EML4: variants seen among roughly 807,000 people sequenced by gnomAD.
EML4 encodes the protein echinoderm microtubule-associated protein-like 4.
A neutral mutation model predicts 129.0 loss-of-function variants in EML4; 72 were observed. The ratio of observed to expected loss-of-function variants is 0.56; its 90% confidence interval spans 0.46 to 0.68. EML4 has a LOEUF of 0.68. Ranked by LOEUF, EML4 falls within the 30% of genes least tolerant of loss-of-function variation. The probability of loss-of-function intolerance (pLI) is 0.00; values close to 1 mark genes in which losing one functional copy is unlikely to be tolerated. For synonymous variants in EML4, 532 were observed against 405.0 expected (o/e 1.31, Z -3.77); for missense variants, 1,363 against 1,190.6 (o/e 1.14, Z -2.13).
chr2:42,329,618 T>G (rs986485107), intron 22 of EML4, 116 bp from the exon 23 acceptor site: 1 of 757,560 alleles, frequency 1.3e-6, no homozygotes, highest in Non-Finnish European at 2.2e-6. Context: ...TGGCTTTAAA[T>G]TGGATTGCCC....
chr2:42,330,565 A>C lies in EML4; in HGVS notation c.*358A>C, dbSNP rs1402550902. On this transcript the variant is annotated 3_prime_UTR_variant, in exon 23 of 23. Coordinates refer to ENST00000318522, the MANE Select transcript of EML4 (RefSeq NM_019063.5). ...TTATCTGAACATGTTTTCTTCAGGA[A>C]CAACCAGAGGTATCACAAACACTGT... The C allele has an allele frequency of 2.3e-6, 1 of 432,782 alleles. No individual in the cohort carries two copies. 26.8% of individuals were successfully genotyped at this position (432,782 alleles called of 1,614,324 possible). A position where few individuals can be genotyped will look rare whatever the true frequency, so the allele number is the denominator to read the frequency against.
intron 1 of EML4, among the ~76,000 whole-genome samples, chr2:42,214,142 C>G (rs1673039060): frequency 6.6e-6 from 1 of 152,150 alleles, no homozygotes; most frequent in African/African-American, 2.4e-5. Context: ...TCTCTGTTAA[C>G]TCTTTCTTAA....
intron 1 of EML4, among the ~76,000 whole-genome samples, chr2:42,176,240 C>G (rs1174433968): frequency 2.6e-5 from 4 of 152,154 alleles, no homozygotes; most frequent in African/African-American, 9.7e-5. Context: ...CTTGTCAATT[C>G]TTGTCACCTT....
Position 42,185,161 on chromosome 2 carries a change from C to T in EML4, c.25+15525C>T, listed in dbSNP as rs187666428. Among the ~76,000 whole-genome samples the T allele has an allele frequency of 4.6e-5, 7 of 151,806 alleles. No individual in the cohort carries two copies. The East Asian group carries it at 9.7e-4, about 21-fold the overall frequency. On this transcript the variant is annotated intron_variant, in intron 1 of 22. Coordinates refer to ENST00000318522, the MANE Select transcript of EML4 (RefSeq NM_019063.5). ...TTGAAGAGAGAGAAAGTAATTTGCTCGGGATTAGAGGTTGACAGACTACCA... is the reference window on the plus strand; with the variant it reads ...TTGAAGAGAGAGAAAGTAATTTGCTTGGGATTAGAGGTTGACAGACTACCA...
At chr2:42,170,962 C>T (rs1283793510) in intron 1 of EML4, among the ~76,000 whole-genome samples, 5 of 152,142 alleles carry the variant, frequency 3.3e-5, no homozygotes, top group African/African-American at 9.7e-5. Flanking sequence ...ATAATTTTGG[C>T]CTTCCCTTTT....
intron 17 of EML4, among the ~76,000 whole-genome samples, chr2:42,310,180 C>T (rs1668853917): frequency 6.6e-6 from 1 of 152,178 alleles, no homozygotes; most frequent in Non-Finnish European, 1.5e-5. Flanking sequence ...AATTCTGTTC[C>T]ATAAATATGT....
chr2:42,279,278 G>A (rs1666867104), intron 6 of EML4, among the ~76,000 whole-genome samples: 1 of 152,104 alleles, frequency 6.6e-6, no homozygotes. Flanking sequence ...ATCTCCTCAA[G>A]ATCCTAATTT....
intron 6 of EML4, among the ~76,000 whole-genome samples, chr2:42,271,966 A>G (rs960271428): frequency 9.9e-5 from 15 of 151,108 alleles, no homozygotes; most frequent in African/African-American, 3.6e-4. Context: ...GCCAGGCATG[A>G]TGGCACCTGT....
Position 42,169,597 on chromosome 2 carries a change from C to T in EML4, c.-15C>T, listed in dbSNP as rs750735791. 1 of 1,598,530 alleles carries T rather than the reference C, an allele frequency of 6.3e-7. No individual in the cohort carries two copies. Among genetic ancestry groups the T allele is most frequent in the Non-Finnish European group, 8.5e-7 (1 of 1,174,010 alleles). On this transcript the variant is annotated 5_prime_UTR_variant, in exon 1 of 23. Coordinates refer to ENST00000318522, the MANE Select transcript of EML4 (RefSeq NM_019063.5). The stretch of plus-strand genomic sequence containing the variant: ...CCGCCCCTCTAAGCCCGGAGCCCGG[C>T]GCTTTCCCCGCAAGATGGACGGTTT...
chr2:42,284,100 C>T (rs1667162339), intron 8 of EML4, among the ~76,000 whole-genome samples: 1 of 152,160 alleles, frequency 6.6e-6, no homozygotes, highest in Non-Finnish European at 1.5e-5. Flanking sequence ...GTTTGACTTA[C>T]AAGAATTTAG....
At position 42,276,466 on chromosome 2, in the gene EML4, A is replaced by C. The variant is rs1164963280; in HGVS notation, c.668-4384A>C. Among the ~76,000 whole-genome samples, 4 of 152,058 alleles carry C rather than the reference A, an allele frequency of 2.6e-5. No homozygotes were observed. The South Asian group carries it at 8.3e-4, about 32-fold the overall frequency. ...CTGCAAATGAATTTGTGTTGTTTTAAAGTGTACATAATAGACTCAGCAGAA... is the reference window on the plus strand; with the variant it reads ...CTGCAAATGAATTTGTGTTGTTTTACAGTGTACATAATAGACTCAGCAGAA... On this transcript the variant is annotated intron_variant, in intron 6 of 22. Transcript: ENST00000318522.
intron 1 of EML4, among the ~76,000 whole-genome samples, chr2:42,212,596 C>T (rs1197836669): frequency 6.6e-6 from 1 of 152,064 alleles, no homozygotes; most frequent in Non-Finnish European, 1.5e-5. Flanking sequence ...TTCTTAATTT[C>T]TTTTAATTTA....
At chr2:42,210,055 T>C (rs970477357) in intron 1 of EML4, among the ~76,000 whole-genome samples, 1 of 152,186 alleles carries the variant, frequency 6.6e-6, no homozygotes, top group Non-Finnish European at 1.5e-5. Context: ...CATTCCCTTA[T>C]TATTAATATC....
intron 1 of EML4, among the ~76,000 whole-genome samples, chr2:42,244,091 TTTG>T (rs1558534171): frequency 6.2e-5 from 3 of 48,358 alleles, no homozygotes; most frequent in African/African-American, 2.4e-4. Flanking sequence ...GTTTTTTGTT[TTTG>T]TTTTTTGTTT....
At chr2:42,303,287 T>C (rs1392397996) in intron 15 of EML4, 28 bp from the exon 16 acceptor site, 4 of 1,613,966 alleles carry the variant, frequency 2.5e-6, no homozygotes, top group Non-Finnish European at 3.4e-6. Flanking sequence ...CTTTGGTTCT[T>C]ATAACAATGA....
chr2:42,255,100 C>G (rs976969335), intron 2 of EML4, among the ~76,000 whole-genome samples: 1 of 148,718 alleles, frequency 6.7e-6, no homozygotes, highest in African/African-American at 2.5e-5. Context: ...CTTTTCTTTT[C>G]TTTGAGACGG....
At chr2:42,244,160 G>A (rs1170706687) in intron 1 of EML4, among the ~76,000 whole-genome samples, 28 of 148,314 alleles carry the variant, frequency 1.9e-4, no homozygotes, top group African/African-American at 7.0e-4. Flanking sequence ...GTGCAGTGGC[G>A]TGATCTCGGC....
chr2:42,193,049 C>A (rs889327847), intron 1 of EML4, among the ~76,000 whole-genome samples: 2 of 152,152 alleles, frequency 1.3e-5, no homozygotes, highest in Non-Finnish European at 2.9e-5. Context: ...AGCTGCAGTA[C>A]AATATGTTTC....
At chr2:42,220,224 T>G (rs1318510876) in intron 1 of EML4, among the ~76,000 whole-genome samples, 1 of 137,204 alleles carries the variant, frequency 7.3e-6, no homozygotes, top group Non-Finnish European at 1.6e-5. Flanking sequence ...TCTTGCACTT[T>G]GCAGATACTG....
Sources: gnomAD v4.1 joint callset for allele counts (sites outside exome capture counted in the v4.1 genomes callset) on GRCh38, gnomAD v4.1.1 for gene constraint, MANE v1.5 for transcripts, NCBI Gene and HGNC (gene_info 2026-07-23, HGNC 2026-07-21) for gene names.